Variants in SPATA13 observed in about 807,000 individuals in gnomAD.
The protein encoded by SPATA13 is spermatogenesis-associated protein 13.
In SPATA13, 50 loss-of-function variants were observed where a neutral mutation model predicts 104.0. That is an observed-to-expected ratio of 0.48 (90% confidence interval 0.38 to 0.61). SPATA13 has a LOEUF of 0.61. SPATA13 is among the 20% of genes least tolerant of loss of function. The pLI, the probability that SPATA13 is intolerant of heterozygous loss-of-function variation, is 0.00. For synonymous variants in SPATA13, 606 were observed against 667.5 expected, an observed-to-expected ratio of 0.91 and a Z score of 1.42; for missense variants, 1,524 against 1,690.6, an observed-to-expected ratio of 0.90 and a Z score of 1.73.
At chr13:24,280,442 G>T (rs1017257044) in intron 4 of SPATA13, among the ~76,000 whole-genome samples, 2 of 151,548 alleles carry the variant, frequency 1.3e-5, no homozygotes, top group Non-Finnish European at 2.9e-5. Flanking sequence ...ATTTTTCAGA[G>T]CTGTGCTGTG....
chr13:23,998,947 A>G (rs1387383697), intron 2 of SPATA13, among the ~76,000 whole-genome samples: 8 of 135,904 alleles, frequency 5.9e-5, no homozygotes, highest in Non-Finnish European at 9.3e-5. Flanking sequence ...TTTTTTTGAG[A>G]TGGAGTCTTG....
At chr13:24,026,109 A>G (rs907700679) in intron 3 of SPATA13, among the ~76,000 whole-genome samples, 1 of 152,174 alleles carries the variant, frequency 6.6e-6, no homozygotes, top group Admixed American at 6.6e-5. Flanking sequence ...TATCTTGGCT[A>G]CTACTTTGTT....
At chr13:24,204,217 T>G (rs1870575516) in intron 1 of SPATA13, among the ~76,000 whole-genome samples, 1 of 152,172 alleles carries the variant, frequency 6.6e-6, no homozygotes, top group Non-Finnish European at 1.5e-5. Context: ...ACCATTTAAT[T>G]CTCACTGCCG....
At chr13:24,131,930 C>G (rs2137835730) in intron 3 of SPATA13, among the ~76,000 whole-genome samples, 1 of 151,926 alleles carries the variant, frequency 6.6e-6, no homozygotes, top group Admixed American at 6.6e-5. Context: ...CACATATCCC[C>G]TCAGGGTACC....
At chr13:24,132,999 CA>C (rs759261302) in intron 3 of SPATA13, among the ~76,000 whole-genome samples, 19 of 152,018 alleles carry the variant, frequency 1.2e-4, no homozygotes, top group Non-Finnish European at 2.2e-4. Flanking sequence ...CAAACAAAAA[CA>C]AGTCTAGGAA....
intron 2 of SPATA13, among the ~76,000 whole-genome samples, chr13:23,996,395 A>G (rs1301382779): frequency 1.1e-5 from 1 of 93,584 alleles, no homozygotes; most frequent in East Asian, 2.5e-4. Flanking sequence ...TAAATTCAGC[A>G]GAGTTCAATT....
chr13:24,172,571 T>C (rs1202997378), intron 1 of SPATA13, among the ~76,000 whole-genome samples: 3 of 152,256 alleles, frequency 2.0e-5, no homozygotes, highest in Non-Finnish European at 4.4e-5. Context: ...TTTCTTGGCC[T>C]GTAGATGTCT....
At chr13:24,139,550 AG>A (rs1881683940) in intron 3 of SPATA13, among the ~76,000 whole-genome samples, 1 of 152,214 alleles carries the variant, frequency 6.6e-6, no homozygotes, top group African/African-American at 2.4e-5. Context: ...TGCTGCAGAA[AG>A]CCGTGTCCTC....
intron 3 of SPATA13, among the ~76,000 whole-genome samples, chr13:24,019,612 T>G (rs2137698122): frequency 6.6e-6 from 1 of 152,364 alleles, no homozygotes; most frequent in Non-Finnish European, 1.5e-5. Context: ...TAGTGCATTC[T>G]CTTTCTTCCT....
At chr13:24,282,370 G>A (rs1875608425) in intron 4 of SPATA13, among the ~76,000 whole-genome samples, 1 of 152,226 alleles carries the variant, frequency 6.6e-6, no homozygotes, top group African/African-American at 2.4e-5. Flanking sequence ...AAGTCCTTGA[G>A]GAAAGCAAGC....
At chr13:24,291,753 T>TA (rs5802277) in intron 9 of SPATA13, among the ~76,000 whole-genome samples, 57,239 of 133,652 alleles carry the variant, frequency 0.43, 11,643 homozygotes, top group Middle Eastern at 0.62. Flanking sequence ...TTTTTATTTT[T>TA]TTATTTTTTT....
chr13:24,259,253 C>T (rs1410716215), intron 4 of SPATA13, among the ~76,000 whole-genome samples: 4 of 152,214 alleles, frequency 2.6e-5, no homozygotes, highest in Non-Finnish European at 5.9e-5. Context: ...CAGATCAGTG[C>T]ATCTTTCTGC....
intron 1 of SPATA13, among the ~76,000 whole-genome samples, chr13:24,184,834 T>G (rs1363778093): frequency 6.6e-6 from 1 of 152,140 alleles, no homozygotes; most frequent in African/African-American, 2.4e-5. Context: ...AAATACTTCT[T>G]TAGTTATTTT....
At chr13:24,274,166 G>A (rs1003744253) in intron 4 of SPATA13, among the ~76,000 whole-genome samples, 5 of 152,164 alleles carry the variant, frequency 3.3e-5, no homozygotes, top group Non-Finnish European at 7.3e-5. Context: ...AATGCAATCA[G>A]AATCCATTGC....
intron 10 of SPATA13, 84 bp downstream of exon 10, chr13:24,294,952 G>C (rs1273829061): frequency 2.0e-5 from 28 of 1,403,690 alleles, no homozygotes; most frequent in Non-Finnish European, 2.7e-5. Flanking sequence ...TTAATATCCT[G>C]TGGTCAATAT....
intron 1 of SPATA13, among the ~76,000 whole-genome samples, chr13:24,192,006 C>T (rs570128412): frequency 2.0e-5 from 3 of 152,108 alleles, no homozygotes; most frequent in African/African-American, 2.4e-5. Context: ...GAAAAATACA[C>T]GGCAAAGTGA....
chr13:24,030,087 CACATACAT>C (rs879626986), intron 3 of SPATA13, among the ~76,000 whole-genome samples: 1 of 123,928 alleles, frequency 8.1e-6, no homozygotes, highest in Admixed American at 8.3e-5. Context: ...CACACACACA[CACATACAT>C]ACATACATAC....
chr13:24,206,185 G>A (rs150707373), intron 1 of SPATA13, among the ~76,000 whole-genome samples: 1 of 152,066 alleles, frequency 6.6e-6, no homozygotes, highest in African/African-American at 2.4e-5. Flanking sequence ...TCTGACAAAG[G>A]TCTAACATCC....
chr13:24,237,891 TATAAACATACATGTTTAAATATGC>T (rs1263691056), intron 2 of SPATA13, among the ~76,000 whole-genome samples: 2,173 of 147,882 alleles, frequency 0.015, 36 homozygotes, highest in Middle Eastern at 0.068. Context: ...ATTTATAATA[TATAAACATACATGTTTAAATATGC>T]AATATATAAA....
Sources: allele counts gnomAD v4.1 joint callset (sites outside exome capture counted in the v4.1 genomes callset), GRCh38; gene constraint gnomAD v4.1.1; transcripts MANE v1.5; gene names NCBI Gene and HGNC (gene_info 2026-07-23, HGNC 2026-07-21).